Variants in STPG2 observed in about 807,000 individuals in gnomAD.
The protein encoded by STPG2 is sperm tail PG-rich repeat containing 2, also known as sperm-tail PG-rich repeat-containing protein 2.
Under a neutral mutation model 54.2 loss-of-function variants are expected in STPG2, and 56 were observed. The ratio of observed to expected loss-of-function variants is 1.03; its 90% confidence interval spans 0.83 to 1.29. The LOEUF (loss-of-function observed/expected upper bound fraction) is 1.29, where lower values mean the gene tolerates loss of function less well. Among genes scored for constraint, STPG2 ranks in the 50% most tolerant of loss-of-function variants. The pLI is 0.00. For missense variants in STPG2, 596 were observed against 544.9 expected, an observed-to-expected ratio of 1.09 and a Z score of -0.93; for synonymous variants, 200 against 181.8, an observed-to-expected ratio of 1.10 and a Z score of -0.81.
chr4:98,090,272 T>C lies in STPG2; in HGVS notation c.612+15681A>G, dbSNP rs1255223504. On this transcript the variant is annotated intron_variant, in intron 5 of 10. Transcript: ENST00000295268. ...CAATTTCATTCTTCTACATGTGGCT[T>C]GCCAGTTTTCCCAGCACCATTTATA... 5.3e-5 allele frequency among the ~76,000 whole-genome samples: 8 copies of C among 152,066 alleles called. 1 individual carries two copies. Among genetic ancestry groups the C allele is most frequent in the Admixed American group, 5.2e-4 (8 of 15,272 alleles).
intron 5 of STPG2, among the ~76,000 whole-genome samples, chr4:98,083,848 A>G (rs1453106243): frequency 6.6e-6 from 1 of 152,072 alleles, no homozygotes; most frequent in Non-Finnish European, 1.5e-5. Context: ...TTCCACAGCT[A>G]ATCTATTTTC....
At chr4:97,943,546 C>CA (rs35879986) in intron 8 of STPG2, among the ~76,000 whole-genome samples, 126,863 of 151,968 alleles carry the variant, frequency 0.83, 53,124 homozygotes, top group Middle Eastern at 0.94. Context: ...AAGACGAATT[C>CA]CATTGAAAAG....
At chr4:98,103,784 A>G (rs1346953291) in intron 5 of STPG2, among the ~76,000 whole-genome samples, 4 of 152,018 alleles carry the variant, frequency 2.6e-5, no homozygotes, top group Non-Finnish European at 4.4e-5. Context: ...CTCTTCTATC[A>G]TGCCTCACTC....
intron 8 of STPG2, among the ~76,000 whole-genome samples, chr4:97,923,683 T>C (rs193271302): frequency 1.3e-3 from 198 of 152,310 alleles, no homozygotes; most frequent in Non-Finnish European, 2.4e-3. Context: ...TTTGTCTAGC[T>C]AAGGGATTGT....
chr4:97,514,779 C>G (rs1163125835), intron 4 of STPG2, among the ~76,000 whole-genome samples: 1 of 151,902 alleles, frequency 6.6e-6, no homozygotes, highest in East Asian at 1.9e-4. Context: ...TTTATTACCA[C>G]CAGAACTCAT....
intron 4 of STPG2, among the ~76,000 whole-genome samples, chr4:97,546,623 C>A (rs1182315974): frequency 6.6e-6 from 1 of 152,036 alleles, no homozygotes; most frequent in Non-Finnish European, 1.5e-5. Context: ...TGTATTCAAC[C>A]TGACAAGCAG....
intron 10 of STPG2, among the ~76,000 whole-genome samples, chr4:97,668,630 AAGGAAGGAAAGAAGGAAGAAAGG>A (rs1316749119): frequency 6.6e-6 from 1 of 150,440 alleles, no homozygotes; most frequent in Non-Finnish European, 1.5e-5. Context: ...AGAATAAAGG[AAGGAAGGAAAGAAGGAAGAAAGG>A]AGGAAGGAAA....
At chr4:97,988,328 T>C (rs1321074812) in intron 5 of STPG2, among the ~76,000 whole-genome samples, 2 of 152,202 alleles carry the variant, frequency 1.3e-5, no homozygotes, top group East Asian at 3.8e-4. Flanking sequence ...TCTCTGCTTT[T>C]TTTAACCTTA....
chr4:97,567,777 A>G (rs1002740797), intron 10 of STPG2, among the ~76,000 whole-genome samples: 2 of 152,150 alleles, frequency 1.3e-5, no homozygotes, highest in African/African-American at 4.8e-5. Flanking sequence ...AAAGAATAAA[A>G]GATATACCGC....
intron 10 of STPG2, among the ~76,000 whole-genome samples, chr4:97,666,413 C>G (rs1459878836): frequency 6.6e-6 from 1 of 152,086 alleles, no homozygotes; most frequent in African/African-American, 2.4e-5. Flanking sequence ...AGATTCAGGA[C>G]AAAAAACAGA....
At chr4:97,956,658 C>A (rs912940026) in intron 7 of STPG2, among the ~76,000 whole-genome samples, 5 of 152,158 alleles carry the variant, frequency 3.3e-5, no homozygotes, top group African/African-American at 1.2e-4. Context: ...CGCAGACAAC[C>A]CCCAGTAGCA....
chr4:98,039,430 AGTGTCCAATGTCT>A (rs1736875907), intron 5 of STPG2, among the ~76,000 whole-genome samples: 1 of 57,550 alleles, frequency 1.7e-5, no homozygotes, highest in Admixed American at 1.4e-4. Context: ...CACTTTTGGG[AGTGTCCAATGTCT>A]GTGTACATAT....
At chr4:97,636,976 T>A (rs1721565918) in intron 10 of STPG2, among the ~76,000 whole-genome samples, 1 of 152,272 alleles carries the variant, frequency 6.6e-6, no homozygotes, top group South Asian at 2.1e-4. Flanking sequence ...GAGGGAATCC[T>A]CCCTAACTCA....
At chr4:98,034,253 G>T (rs551528393) in intron 5 of STPG2, among the ~76,000 whole-genome samples, 1 of 152,278 alleles carries the variant, frequency 6.6e-6, no homozygotes, top group East Asian at 1.9e-4. Context: ...CTTCAGCAAA[G>T]TCTCAGGATA....
intron 10 of STPG2, among the ~76,000 whole-genome samples, chr4:97,635,483 C>T (rs1260366127): frequency 6.6e-6 from 1 of 152,164 alleles, no homozygotes; most frequent in East Asian, 1.9e-4. Flanking sequence ...CAAATTCACA[C>T]ATAACCCTAT....
At chr4:97,764,697 T>C (rs187105921) in intron 9 of STPG2, among the ~76,000 whole-genome samples, 1 of 152,072 alleles carries the variant, frequency 6.6e-6, no homozygotes, top group Non-Finnish European at 1.5e-5. Flanking sequence ...GGTGACAGGA[T>C]TTTTTTACCA....
At chr4:97,728,473 G>T (rs1269727018) in intron 9 of STPG2, among the ~76,000 whole-genome samples, 2 of 151,982 alleles carry the variant, frequency 1.3e-5, no homozygotes, top group African/African-American at 4.8e-5. Context: ...TTAGATTGAA[G>T]AAATCTATAT....
intron 9 of STPG2, among the ~76,000 whole-genome samples, chr4:97,834,051 A>T (rs886134309): frequency 6.6e-6 from 1 of 152,174 alleles, no homozygotes. Context: ...ATAAAGACAC[A>T]TGCACACGTA....
intron 5 of STPG2, among the ~76,000 whole-genome samples, chr4:97,982,377 T>TACACACACAC (rs59489663): frequency 2.4e-3 from 347 of 143,620 alleles, no homozygotes; most frequent in African/African-American, 8.3e-3. Flanking sequence ...TCTCTTACTC[T>TACACACACAC]ACACACACAC....
Sources: allele counts gnomAD v4.1 joint callset (sites outside exome capture counted in the v4.1 genomes callset), GRCh38; gene constraint gnomAD v4.1.1; transcripts MANE v1.5; gene names NCBI Gene and HGNC (gene_info 2026-07-23, HGNC 2026-07-21).